The following CSGALNACT1 variants were observed in gnomAD, a reference collection of about 807,000 sequenced individuals.
CSGALNACT1 encodes the protein beta4GalNAcT-1.
CSGALNACT1 carries 52 observed loss-of-function variants against 51.0 expected under a neutral mutation model. That is an observed-to-expected ratio of 1.02 (90% CI 0.82 to 1.29). The LOEUF is 1.29. Ranked by LOEUF, CSGALNACT1 falls within the 50% of genes most tolerant of loss-of-function variation. The pLI is 0.00. For missense variants in CSGALNACT1, 935 were observed against 679.2 expected, an observed-to-expected ratio of 1.38 and a Z score of -4.19; for synonymous variants, 341 against 254.4, an observed-to-expected ratio of 1.34 and a Z score of -3.24.
At chr8:19,683,671 T>C (rs895727384), upstream of CSGALNACT1, among the ~76,000 whole-genome samples, 1 of 152,212 alleles carries the variant, frequency 6.6e-6, no homozygotes, top group Non-Finnish European at 1.5e-5. Flanking sequence ...ATTTATTATA[T>C]AGATCTCAAG....
intron 2 of CSGALNACT1, among the ~76,000 whole-genome samples, chr8:19,598,406 C>G (rs1455328506): frequency 2.6e-5 from 4 of 152,182 alleles, no homozygotes; most frequent in Non-Finnish European, 5.9e-5. Flanking sequence ...ACCCCTCATT[C>G]CATTCAACGA....
intron 5 of CSGALNACT1, among the ~76,000 whole-genome samples, chr8:19,445,792 T>C (rs1248143902): frequency 1.3e-5 from 2 of 152,226 alleles, no homozygotes; most frequent in Non-Finnish European, 2.9e-5. Context: ...TAATTCTGAG[T>C]AAACTCCATC....
At chr8:19,539,053 T>G (rs1320901420) in intron 3 of CSGALNACT1, among the ~76,000 whole-genome samples, 1 of 152,230 alleles carries the variant, frequency 6.6e-6, no homozygotes, top group Non-Finnish European at 1.5e-5. Context: ...TCACATTTTG[T>G]TATATTTTCT....
chr8:19,716,007 T>C (rs2062784638), intron 1 of CSGALNACT1, among the ~76,000 whole-genome samples: 1 of 152,226 alleles, frequency 6.6e-6, no homozygotes, highest in African/African-American at 2.4e-5. Flanking sequence ...GTCAGCCTTG[T>C]AGTAGGGAAT....
chr8:19,697,649 C>T (rs1157450989), intron 1 of CSGALNACT1, among the ~76,000 whole-genome samples: 1 of 152,154 alleles, frequency 6.6e-6, no homozygotes, highest in Non-Finnish European at 1.5e-5. Context: ...ACCCAGCAAG[C>T]TCCATGCTAT....
chr8:19,409,761 A>G (rs1242186286), intron 8 of CSGALNACT1, among the ~76,000 whole-genome samples: 1 of 152,128 alleles, frequency 6.6e-6, no homozygotes, highest in Non-Finnish European at 1.5e-5. Flanking sequence ...TTCATCGTTA[A>G]TTAGAAACGG....
intron 6 of CSGALNACT1, among the ~76,000 whole-genome samples, chr8:19,434,339 A>T (rs1433258273): frequency 1.3e-5 from 2 of 152,172 alleles, no homozygotes; most frequent in Non-Finnish European, 2.9e-5. Context: ...GAAAAGCTAT[A>T]AGAATAGTAT....
intron 3 of CSGALNACT1, among the ~76,000 whole-genome samples, chr8:19,567,731 T>C (rs1588451760): frequency 6.6e-6 from 1 of 152,118 alleles, no homozygotes; most frequent in Admixed American, 6.5e-5. Context: ...ACGTAGAAAA[T>C]AGGAAAAATC....
intron 1 of CSGALNACT1, among the ~76,000 whole-genome samples, chr8:19,629,464 A>G (rs943585769): frequency 6.6e-6 from 1 of 152,232 alleles, no homozygotes; most frequent in African/African-American, 2.4e-5. Context: ...AGATATGGAA[A>G]CTAAGCTTCA....
In CSGALNACT1 at chr8:19,632,967, CAT is replaced by C. The variant is rs555789198; in HGVS notation, c.-543-31104_-543-31103del. On this transcript the variant is annotated intron_variant, in intron 1 of 9. Transcript: ENST00000332246. ...TTTTTTGGTAGAGACGAGGTTTCCC[CAT>C]GTTGCTCAGGCTGGTCTCAAACTCT... 2.4e-3 allele frequency among the ~76,000 whole-genome samples: 365 copies of C among 149,804 alleles called. 5 individuals carry two copies. The highest frequency in any genetic ancestry group is 8.4e-3 in the African/African-American group (341 of 40,578).
intron 1 of CSGALNACT1, among the ~76,000 whole-genome samples, chr8:19,696,732 A>G (rs2061600590): frequency 6.6e-6 from 1 of 152,134 alleles, no homozygotes; most frequent in Non-Finnish European, 1.5e-5. Context: ...GGGCTGTTGC[A>G]AGGCTTCAGC....
intron 1 of CSGALNACT1, among the ~76,000 whole-genome samples, chr8:19,677,141 C>A (rs2060253182): frequency 6.6e-6 from 1 of 151,886 alleles, no homozygotes; most frequent in African/African-American, 2.4e-5. Flanking sequence ...CAGAGTCTCA[C>A]TCTGTCACCC....
At chr8:19,449,516 C>T (rs1260636085) in intron 5 of CSGALNACT1, among the ~76,000 whole-genome samples, 1 of 134,662 alleles carries the variant, frequency 7.4e-6, no homozygotes, top group Admixed American at 7.1e-5. Context: ...ACATTCCAGG[C>T]TCATTTCAAT....
intron 4 of CSGALNACT1, among the ~76,000 whole-genome samples, chr8:19,476,305 C>G (rs954031341): frequency 6.6e-6 from 1 of 152,186 alleles, no homozygotes; most frequent in Non-Finnish European, 1.5e-5. Flanking sequence ...ATGGCAAGAT[C>G]TCGGCTCACT....
chr8:19,515,387 C>T (rs780424572), intron 3 of CSGALNACT1, among the ~76,000 whole-genome samples: 7 of 152,156 alleles, frequency 4.6e-5, no homozygotes, highest in Non-Finnish European at 8.8e-5. Flanking sequence ...GGCGTGTTCT[C>T]CAGGGACCAG....
At chr8:19,467,794 G>A (rs7836470) in intron 4 of CSGALNACT1, among the ~76,000 whole-genome samples, 25,680 of 152,068 alleles carry the variant, frequency 0.17, 2,417 homozygotes, top group African/African-American at 0.24. Context: ...AGATCAGCCT[G>A]GGCAACATGG....
intron 1 of CSGALNACT1, among the ~76,000 whole-genome samples, chr8:19,748,736 G>C (rs574968317): frequency 6.6e-6 from 1 of 152,266 alleles, no homozygotes; most frequent in South Asian, 2.1e-4. Flanking sequence ...AGATCAAGGA[G>C]GGTGGATCAC....
chr8:19,528,698 C>T (rs771991798), intron 3 of CSGALNACT1, among the ~76,000 whole-genome samples: 1 of 152,206 alleles, frequency 6.6e-6, no homozygotes. Context: ...CCTCAACACC[C>T]TCTTACTAGG....
intron 3 of CSGALNACT1, among the ~76,000 whole-genome samples, chr8:19,577,927 C>T (rs2044649339): frequency 6.6e-6 from 1 of 152,130 alleles, no homozygotes; most frequent in African/African-American, 2.4e-5. Flanking sequence ...CAGCCCTCTG[C>T]CACAGTTAAT....
Sources: gnomAD v4.1 joint callset for allele counts (sites outside exome capture counted in the v4.1 genomes callset) on GRCh38, gnomAD v4.1.1 for gene constraint, MANE v1.5 for transcripts, NCBI Gene and HGNC (gene_info 2026-07-23, HGNC 2026-07-21) for gene names.